Variants in NELFA observed in about 807,000 individuals in gnomAD.
The protein encoded by NELFA is negative elongation factor complex member A.
In NELFA, 35 loss-of-function variants were observed where a neutral mutation model predicts 51.8. That is an observed-to-expected ratio of 0.68 (90% CI 0.52 to 0.90). The LOEUF (loss-of-function observed/expected upper bound fraction) is 0.90, where lower values mean the gene tolerates loss of function less well. Among genes scored for constraint, NELFA ranks in the 40% least tolerant of loss-of-function variants. The pLI, the probability that NELFA is intolerant of heterozygous loss-of-function variation, is 0.00. For missense variants in NELFA, 658 were observed against 746.4 expected, an observed-to-expected ratio of 0.88 and a Z score of 1.38; for synonymous variants, 417 against 338.4, an observed-to-expected ratio of 1.23 and a Z score of -2.55.
chr4:1,986,904 G>A (rs1728121596), intron 4 of NELFA, among the ~76,000 whole-genome samples: 1 of 152,166 alleles, frequency 6.6e-6, no homozygotes, highest in Admixed American at 6.5e-5. Context: ...GGTGCCATCA[G>A]CACACCGGGC....
chr4:1,992,170 T>G, intron 1 of NELFA: 1 of 215,880 alleles, frequency 4.6e-6, no homozygotes, highest in Non-Finnish European at 9.4e-6. Flanking sequence ...CGGGGGTGTG[T>G]GCCTGGGCAG....
intron 1 of NELFA, among the ~76,000 whole-genome samples, chr4:1,993,777 G>A (rs942601331): frequency 6.6e-6 from 1 of 150,462 alleles, no homozygotes; most frequent in Non-Finnish European, 1.5e-5. Flanking sequence ...TGGAAGGTGG[G>A]AACGAGCTCC....
chr4:1,986,466 T>C (rs1077020), intron 4 of NELFA, 64 bp from the exon 5 acceptor site: 352,199 of 1,606,562 alleles, frequency 0.22, 40,340 homozygotes, highest in African/African-American at 0.37. Context: ...CACCCCGAGC[T>C]CAGAACGTCC....
At chr4:2,000,864 T>A (rs1408100181) in intron 1 of NELFA, among the ~76,000 whole-genome samples, 1 of 152,134 alleles carries the variant, frequency 6.6e-6, no homozygotes, top group Non-Finnish European at 1.5e-5. Context: ...CAGGCCAACA[T>A]CCCTGATGAA....
At chr4:1,985,567 T>C (rs966512045) in intron 7 of NELFA, among the ~76,000 whole-genome samples, 2 of 152,166 alleles carry the variant, frequency 1.3e-5, no homozygotes, top group Admixed American at 1.3e-4. Context: ...GTGGGGCAGG[T>C]TCCCGCTCCA....
At chr4:2,008,166 G>A in intron 1 of NELFA, 3 of 393,832 alleles carry the variant, frequency 7.6e-6, no homozygotes, top group South Asian at 3.6e-5. Context: ...GGTCACCAGG[G>A]CTGCGTCCCC....
At chr4:1,984,582 G>T (rs1728022069) in intron 8 of NELFA, among the ~76,000 whole-genome samples, 1 of 152,216 alleles carries the variant, frequency 6.6e-6, no homozygotes, top group Admixed American at 6.5e-5. Context: ...CCCTGGGGCC[G>T]CTGCCTGTCT....
chr4:2,008,693 G>C (rs1219665996), intron 1 of NELFA, 57 bp downstream of exon 1: 1 of 1,548,750 alleles, frequency 6.5e-7, no homozygotes, highest in Non-Finnish European at 8.7e-7. Flanking sequence ...TGGGTGTGCG[G>C]GTCGGAGGTG....
intron 1 of NELFA, 128 bp downstream of exon 1, chr4:2,008,622 G>A: frequency 4.5e-6 from 5 of 1,113,544 alleles, no homozygotes; most frequent in Non-Finnish European, 6.3e-6. Context: ...GCGGGCCGGG[G>A]GGGTTAACAG....
At position 1,984,927 on chromosome 4, in the gene NELFA, A is replaced by G; in HGVS notation, c.925-8T>C. 1.3e-6 allele frequency: 2 copies of G among 1,556,160 alleles called. No homozygotes were observed. Among genetic ancestry groups the G allele is most frequent in the Non-Finnish European group, 1.7e-6 (2 of 1,147,640 alleles). On this transcript the variant is annotated splice_region_variant and splice_polypyrimidine_tract_variant and intron_variant, in intron 7 of 10. Transcript: ENST00000382882. ...GTTCAGGGACCCAAGTTTCTGGAAC[A>G]CAGAGTTTAAGGTTCCTTCCAGAAG...
intron 1 of NELFA, among the ~76,000 whole-genome samples, chr4:2,002,175 G>A (rs990360961): frequency 6.6e-6 from 1 of 152,032 alleles, no homozygotes; most frequent in South Asian, 2.1e-4. Flanking sequence ...ACTCCAGCCT[G>A]GGCGACAAAG....
In NELFA at chr4:1,985,953, G is replaced by A. The variant is rs1225175282; in HGVS notation, c.836-89C>T. On this transcript the variant is annotated intron_variant, in intron 6 of 10. Coordinates refer to ENST00000382882, the MANE Select transcript of NELFA (RefSeq NM_005663.5). ...CGGCAGGGAATCAAACAGCTTCCCA[G>A]GGGAGGCCACCAAGGAGCGAGGAGA... 2.2e-6 allele frequency: 3 copies of A among 1,364,780 alleles called. No homozygotes were observed. The African/African-American group carries it at 4.4e-5, about 20-fold the overall frequency. 84.5% of individuals were successfully genotyped at this position (1,364,780 alleles called of 1,614,324 possible).
chr4:1,991,560 T>C lies in NELFA; in HGVS notation c.366A>G (p.Gly122=). ...ACAACATACCCTTTTCTCTAAGTTC[T>C]CCCAAAATATCCTGAACGTTGGGAT... is the stretch of plus-strand genomic sequence containing the variant. ...EQNPNVQDIL[G]ELREKVGECE... is the part of the protein sequence containing the mutation. The change falls in exon 2 of 11, where the codon GGA becomes GGG. Residue 122 remains glycine, a synonymous_variant. Coordinates refer to ENST00000382882, the MANE Select transcript of NELFA (RefSeq NM_005663.5). 6.2e-7 allele frequency: 1 copy of C among 1,613,984 alleles called. No homozygotes were observed. The highest frequency in any genetic ancestry group is 8.5e-7 in the Non-Finnish European group (1 of 1,180,022).
chr4:1,989,724 C>T lies in NELFA; in HGVS notation c.528G>A (p.Ala176=), dbSNP rs150822505. ...KRKPKSATLR[A]ELLQKSTETA... is the part of the protein sequence containing the mutation. Reference sequence around the variant, plus strand: ...GCCACTCACACTTCTGCAGCAGCTCCGCCCGCAGCGTGGCGCTCTTGGGTT... The same window carrying T: ...GCCACTCACACTTCTGCAGCAGCTCTGCCCGCAGCGTGGCGCTCTTGGGTT... Residue 176 remains alanine (A), a synonymous_variant, in exon 3 of 11, where the codon GCG becomes GCA. Transcript: ENST00000382882. The surrounding 1 kb of genome is among the most constrained non-coding windows in gnomAD (Gnocchi z 4.8). The T allele has an allele frequency of 5.6e-4, 904 of 1,613,872 alleles. No individual in the cohort carries two copies. Among genetic ancestry groups the T allele is most frequent in the Admixed American group, 1.2e-3 (69 of 59,990 alleles).
At chr4:1,985,677 C>CAT (rs1013696439) in intron 7 of NELFA, 99 bp downstream of exon 7, 16 of 854,532 alleles carry the variant, frequency 1.9e-5, no homozygotes, top group African/African-American at 1.7e-4. Context: ...TATGTACATA[C>CAT]ATATATATAT....
At chr4:2,004,609 T>C (rs1394941178) in intron 1 of NELFA, among the ~76,000 whole-genome samples, 1 of 151,302 alleles carries the variant, frequency 6.6e-6, no homozygotes, top group East Asian at 1.9e-4. Context: ...CGCCACAGCC[T>C]CCCAAGTAGC....
intron 8 of NELFA, 73 bp downstream of exon 8, chr4:1,984,735 G>A (rs1251413476): frequency 1.5e-5 from 16 of 1,090,286 alleles, no homozygotes; most frequent in South Asian, 1.5e-4. Flanking sequence ...CCGCAGCCCT[G>A]GCAGCGCCCG....
rs888300923 is a variant in NELFA at position 1,984,871 on chromosome 4, G to A, written c.973C>T (p.Leu325Phe). ...NEPALPSTSY[L>F]PSTPSVVPAS... ...GGAACCACGCTGGGCGTGGAGGGAA[G>A]GTAGCTCGTGGAGGGCAGCGCAGGC... The change falls in exon 8 of 11, where the codon CTT becomes TTT. Residue 325 changes from leucine (L) to phenylalanine (F), a missense_variant. By Grantham distance (22) the Leu-to-Phe change is conservative (BLOSUM62 0). Around this residue, in one of 3 missense-constraint regions of NELFA, gnomAD observed 200 missense variants for 167.9 expected, o/e 1.19. Coordinates refer to ENST00000382882, the MANE Select transcript of NELFA (RefSeq NM_005663.5). 1 of 1,581,296 alleles carries A rather than the reference G, an allele frequency of 6.3e-7. No homozygotes were observed. The highest frequency in any genetic ancestry group is 8.6e-7 in the Non-Finnish European group (1 of 1,162,940).
chr4:1,985,284 C>G (rs1285502439), intron 7 of NELFA, among the ~76,000 whole-genome samples: 1 of 152,212 alleles, frequency 6.6e-6, no homozygotes, highest in Admixed American at 6.5e-5. Flanking sequence ...GCTTATTATC[C>G]TGAAGTGACC....
Sources: allele counts gnomAD v4.1 joint callset (sites outside exome capture counted in the v4.1 genomes callset), GRCh38; gene constraint gnomAD v4.1.1; regional missense constraint gnomAD v4.1.1; non-coding constraint Gnocchi (gnomAD v3.1); transcripts MANE v1.5; gene names NCBI Gene and HGNC (gene_info 2026-07-23, HGNC 2026-07-21).